The following LRP11 variants were observed in gnomAD, a reference collection of about 807,000 sequenced individuals.
LRP11 encodes low-density lipoprotein receptor-related protein 11.
Under a neutral mutation model 43.1 loss-of-function variants are expected in LRP11, and 25 were observed. The observed-to-expected ratio is 0.58, with a 90% CI of 0.42 to 0.81. The LOEUF (loss-of-function observed/expected upper bound fraction) is 0.81, where lower values mean the gene tolerates loss of function less well. Ranked by LOEUF, LRP11 falls within the 30% of genes least tolerant of loss-of-function variation. The pLI is 0.00. For synonymous variants in LRP11, 316 were observed against 299.4 expected (o/e 1.06, Z -0.57); for missense variants, 623 against 665.1 (o/e 0.94, Z 0.70).
At position 149,819,237 on chromosome 6, in the gene LRP11, T is replaced by C. The variant is rs888516292; in HGVS notation, c.*1312A>G. On this transcript the variant is annotated 3_prime_UTR_variant, in exon 7 of 7. Transcript: ENST00000239367. ...TGTTAAAAGAACAACCTACTTTAGG[T>C]TCAGTCTAAAAATAAAGCGTACTAG... 3 of 152,188 alleles carry C rather than the reference T, an allele frequency of 2.0e-5. No homozygotes were observed. Among genetic ancestry groups the C allele is most frequent in the Non-Finnish European group, 2.9e-5 (2 of 68,036 alleles). The allele number at this position is 152,188 out of a possible 1,614,324, so 9.4% of individuals were successfully genotyped here.
intron 3 of LRP11, 67 bp from the exon 4 acceptor site, chr6:149,837,530 A>C: frequency 1.9e-6 from 3 of 1,538,852 alleles, no homozygotes; most frequent in Non-Finnish European, 2.7e-6. Context: ...GGGATGACAA[A>C]GGGGAGTCCG....
At chr6:149,829,991 G>A (rs911859230) in intron 5 of LRP11, among the ~76,000 whole-genome samples, 1 of 149,976 alleles carries the variant, frequency 6.7e-6, no homozygotes, top group African/African-American at 2.4e-5. Context: ...GCCATATTAT[G>A]AGAGATTATT....
Position 149,819,719 on chromosome 6 carries a change from C to G in LRP11, c.*830G>C, listed in dbSNP as rs546081898. On this transcript the variant is annotated 3_prime_UTR_variant, in exon 7 of 7. Transcript: ENST00000239367. ...TATATATATATATATAAATGAGTTG[C>G]TGTGCTCTCACCATGGAGCAGTGTT... 105 of 152,200 alleles carry G rather than the reference C, an allele frequency of 6.9e-4. No homozygotes were observed. Among genetic ancestry groups the G allele is most frequent in the African/African-American group, 2.5e-3 (103 of 41,490 alleles). 9.4% of individuals were successfully genotyped at this position (152,200 alleles called of 1,614,324 possible).
At chr6:149,831,933 G>A (rs1385645524) in intron 5 of LRP11, among the ~76,000 whole-genome samples, 1 of 152,158 alleles carries the variant, frequency 6.6e-6, no homozygotes, top group Non-Finnish European at 1.5e-5. Flanking sequence ...AAAGTGCTGG[G>A]ATTACAGGTG....
At chr6:149,860,236 C>T (rs747895356) in intron 1 of LRP11, among the ~76,000 whole-genome samples, 1 of 152,126 alleles carries the variant, frequency 6.6e-6, no homozygotes, top group South Asian at 2.1e-4. Flanking sequence ...CTTTGATTTT[C>T]CCTGACACAC....
chr6:149,856,819 G>C (rs918471101), intron 1 of LRP11, among the ~76,000 whole-genome samples: 4 of 152,276 alleles, frequency 2.6e-5, no homozygotes, highest in Middle Eastern at 3.4e-3. Context: ...ATTCTGTGCT[G>C]TGTGGGAACG....
intron 5 of LRP11, among the ~76,000 whole-genome samples, chr6:149,834,188 T>C (rs1776443328): frequency 6.6e-6 from 1 of 152,196 alleles, no homozygotes; most frequent in South Asian, 2.1e-4. Context: ...TGGAGCACTA[T>C]TTTCAAAAGG....
chr6:149,829,179 A>G (rs1378191914), intron 5 of LRP11, among the ~76,000 whole-genome samples: 1 of 152,136 alleles, frequency 6.6e-6, no homozygotes, highest in Non-Finnish European at 1.5e-5. Context: ...AGGAACTTCT[A>G]TGCATTCTGC....
intron 6 of LRP11, 153 bp downstream of exon 6, chr6:149,826,111 T>C (rs1776335426): frequency 4.2e-6 from 3 of 715,346 alleles, no homozygotes; most frequent in African/African-American, 1.7e-5. Flanking sequence ...CAAGACGCAG[T>C]GCAATACAAG....
At position 149,840,171 on chromosome 6, in the gene LRP11, C is replaced by T. The variant is rs918942255; in HGVS notation, c.914-2708G>A. 4.6e-5 allele frequency among the ~76,000 whole-genome samples: 7 copies of T among 152,288 alleles called. 2 individuals carry two copies. On this transcript the variant is annotated intron_variant, in intron 3 of 6. Coordinates refer to ENST00000239367, the MANE Select transcript of LRP11 (RefSeq NM_032832.6). ...CTAGTGTCACCCTTGGTTACCATAA[C>T]ATCTGGGTCATTCATTGCAAGACCA... is the stretch of plus-strand genomic sequence containing the variant.
chr6:149,856,495 TAAAC>T (rs1240766937), intron 1 of LRP11, among the ~76,000 whole-genome samples: 1 of 152,168 alleles, frequency 6.6e-6, no homozygotes, highest in African/African-American at 2.4e-5. Flanking sequence ...GTCCTTAAAA[TAAAC>T]AAATAACAAC....
At chr6:149,843,845 C>T (rs1413586028) in intron 2 of LRP11, among the ~76,000 whole-genome samples, 2 of 152,190 alleles carry the variant, frequency 1.3e-5, no homozygotes, top group South Asian at 2.1e-4. Context: ...ATTTAGTCTT[C>T]GCCCACCCAA....
chr6:149,835,120 T>C (rs933865754), intron 5 of LRP11, among the ~76,000 whole-genome samples: 3 of 152,152 alleles, frequency 2.0e-5, no homozygotes, highest in Non-Finnish European at 4.4e-5. Flanking sequence ...AATAAGTGTG[T>C]AAAAAATGAT....
rs771170976 is a variant in LRP11, at chr6:149,837,308, C to A, written c.1039+30G>T. 3.7e-6 allele frequency: 6 copies of A among 1,606,400 alleles called. No homozygotes were observed. The African/African-American group carries it at 4.0e-5, about 11-fold the overall frequency. On this transcript the variant is annotated intron_variant, in intron 4 of 6. Transcript: ENST00000239367. ...CTCCCAACTCCATCCCTTCCAGCCACTGCCTAGCAATGTGACATAGCCAAC... is the reference window on the plus strand; with the variant it reads ...CTCCCAACTCCATCCCTTCCAGCCAATGCCTAGCAATGTGACATAGCCAAC...
At chr6:149,850,805 C>T (rs748682065) in intron 2 of LRP11, among the ~76,000 whole-genome samples, 2 of 152,240 alleles carry the variant, frequency 1.3e-5, no homozygotes, top group African/African-American at 2.4e-5. Flanking sequence ...GAAGGATCCA[C>T]TAACCAACCC....
At chr6:149,852,952 GACC>G in intron 2 of LRP11, 48 bp downstream of exon 2, 2 of 1,493,160 alleles carry the variant, frequency 1.3e-6, no homozygotes, top group Non-Finnish European at 9.0e-7. Flanking sequence ...CATTACAAAA[GACC>G]ACTTCACTGA....
intron 1 of LRP11, among the ~76,000 whole-genome samples, chr6:149,859,131 C>T (rs1289963871): frequency 1.3e-5 from 2 of 151,874 alleles, no homozygotes; most frequent in African/African-American, 2.4e-5. Context: ...TATTTCCCAA[C>T]TGGTTTCCAA....
At position 149,863,430 on chromosome 6, in the gene LRP11, G is replaced by A. The variant is rs1015635206; in HGVS notation, c.591C>T (p.Thr197=). 19 of 1,310,142 alleles carry A rather than the reference G, an allele frequency of 1.5e-5. No individual in the cohort carries two copies. Among genetic ancestry groups the A allele is most frequent in the Non-Finnish European group, 1.5e-5 (16 of 1,037,108 alleles). 81.2% of individuals were successfully genotyped at this position (1,310,142 alleles called of 1,614,324 possible). ...SRAPDGAALA[T]ARASPRQEKD... is the part of the protein sequence containing the mutation. ...TACCCTGCCGGGGCGAGGCGCGCGC[G>A]GTGGCCAGGGCGGCGCCGTCCGGCG... Residue 197 remains threonine (T), a synonymous_variant, in exon 1 of 7, where the codon ACC becomes ACT. Coordinates refer to ENST00000239367, the MANE Select transcript of LRP11 (RefSeq NM_032832.6).
At chr6:149,856,271 C>G (rs1213917614) in intron 1 of LRP11, among the ~76,000 whole-genome samples, 1 of 152,100 alleles carries the variant, frequency 6.6e-6, no homozygotes, top group East Asian at 1.9e-4. Flanking sequence ...TTAATCCTAC[C>G]TCTCCTGGAA....
Sources: gnomAD v4.1 joint callset for allele counts (sites outside exome capture counted in the v4.1 genomes callset) on GRCh38, gnomAD v4.1.1 for gene constraint, MANE v1.5 for transcripts, NCBI Gene and HGNC (gene_info 2026-07-23, HGNC 2026-07-21) for gene names.